The following SPTLC2 variants were observed in gnomAD, a reference collection of about 807,000 sequenced individuals.
SPTLC2 encodes serine palmitoyltransferase long chain base subunit 2, also known as serine palmitoyltransferase 2.
Under a neutral mutation model 62.0 loss-of-function variants are expected in SPTLC2, and 21 were observed. That is an observed-to-expected ratio of 0.34 (90% CI 0.24 to 0.49). SPTLC2 has a LOEUF of 0.49. Ranked by LOEUF, SPTLC2 falls within the 20% of genes least tolerant of loss-of-function variation. The pLI, the probability that SPTLC2 is intolerant of heterozygous loss-of-function variation, is 0.99. For synonymous variants in SPTLC2, 261 were observed against 261.8 expected (o/e 1.00, Z 0.03); for missense variants, 511 against 713.0 (o/e 0.72, Z 3.23).
At chr14:77,592,329 T>A (rs945415302) in intron 2 of SPTLC2, among the ~76,000 whole-genome samples, 10 of 151,814 alleles carry the variant, frequency 6.6e-5, no homozygotes, top group African/African-American at 2.2e-4. Flanking sequence ...GAGATGGGGT[T>A]TCATCACGTT....
chr14:77,567,161 A>G (rs1167469745), intron 5 of SPTLC2, among the ~76,000 whole-genome samples: 1 of 151,626 alleles, frequency 6.6e-6, no homozygotes, highest in Non-Finnish European at 1.5e-5. Flanking sequence ...TAGTAGAGAC[A>G]AGGTTTCATC....
chr14:77,568,012 G>A (rs1394973069), intron 5 of SPTLC2, among the ~76,000 whole-genome samples: 1 of 151,948 alleles, frequency 6.6e-6, no homozygotes, highest in Non-Finnish European at 1.5e-5. Context: ...GAGCTGTCAT[G>A]ATGACACTCA....
intron 2 of SPTLC2, among the ~76,000 whole-genome samples, chr14:77,596,962 C>T (rs892376449): frequency 1.3e-5 from 2 of 152,164 alleles, no homozygotes; most frequent in African/African-American, 4.8e-5. Flanking sequence ...GATAGTGCCG[C>T]CCACCTCCTT....
At chr14:77,550,918 G>GAA (rs11452479) in intron 9 of SPTLC2, among the ~76,000 whole-genome samples, 5,531 of 138,630 alleles carry the variant, frequency 0.04, 320 homozygotes, top group African/African-American at 0.13. Context: ...ACAAAAACCA[G>GAA]AAAAAAAAAA....
At chr14:77,552,549 T>C (rs988362527) in intron 8 of SPTLC2, among the ~76,000 whole-genome samples, 7 of 152,174 alleles carry the variant, frequency 4.6e-5, no homozygotes, top group Non-Finnish European at 7.3e-5. Flanking sequence ...CTCATGCCTG[T>C]AATCCCAGCA....
chr14:77,601,133 G>A (rs955830956), intron 1 of SPTLC2, among the ~76,000 whole-genome samples: 4 of 151,910 alleles, frequency 2.6e-5, no homozygotes, highest in Admixed American at 6.6e-5. Context: ...TGTTTTTTAC[G>A]AGTATATATT....
intron 5 of SPTLC2, 112 bp from the exon 6 acceptor site, chr14:77,562,601 A>T: frequency 1.3e-6 from 1 of 790,550 alleles, no homozygotes; most frequent in Non-Finnish European, 2.1e-6. Context: ...GAAATTGTGC[A>T]CAACAGCACA....
intron 11 of SPTLC2, among the ~76,000 whole-genome samples, chr14:77,513,730 T>C (rs1338552719): frequency 6.6e-6 from 1 of 151,804 alleles, no homozygotes; most frequent in Non-Finnish European, 1.5e-5. Flanking sequence ...ACCCTGTCTC[T>C]ACTGAAAATA....
intron 5 of SPTLC2, among the ~76,000 whole-genome samples, chr14:77,563,122 C>T (rs1342976975): frequency 1.3e-5 from 2 of 151,960 alleles, no homozygotes; most frequent in Non-Finnish European, 2.9e-5. Flanking sequence ...TCTTCCATCT[C>T]TCAGGGGGCC....
intron 5 of SPTLC2, among the ~76,000 whole-genome samples, chr14:77,565,165 C>A (rs1440670630): frequency 3.4e-5 from 5 of 146,988 alleles, no homozygotes; most frequent in Non-Finnish European, 4.4e-5. Flanking sequence ...TTGCTTGAAC[C>A]CAGGAAGCAG....
chr14:77,536,371 T>C (rs1308867124), intron 9 of SPTLC2, among the ~76,000 whole-genome samples: 2 of 152,150 alleles, frequency 1.3e-5, no homozygotes, highest in Admixed American at 1.3e-4. Context: ...TTTTTGGTTT[T>C]TTTTTTCTCT....
chr14:77,547,236 G>A (rs532726459), intron 9 of SPTLC2, among the ~76,000 whole-genome samples: 4 of 151,886 alleles, frequency 2.6e-5, no homozygotes, highest in Non-Finnish European at 5.9e-5. Flanking sequence ...AGGAGGAAGC[G>A]AGTCTGATTC....
At chr14:77,512,888 G>C (rs770585011) in intron 11 of SPTLC2, among the ~76,000 whole-genome samples, 16 of 151,850 alleles carry the variant, frequency 1.1e-4, no homozygotes, top group Non-Finnish European at 1.8e-4. Flanking sequence ...GCTAATTTTT[G>C]TATTTTTAGT....
chr14:77,554,450 T>C (rs2079572082), intron 8 of SPTLC2, among the ~76,000 whole-genome samples: 2 of 152,200 alleles, frequency 1.3e-5, no homozygotes, highest in Non-Finnish European at 2.9e-5. Context: ...CAACTACTAA[T>C]CTACTTTCTG....
intron 9 of SPTLC2, among the ~76,000 whole-genome samples, chr14:77,525,692 C>A (rs1016414950): frequency 2.4e-4 from 36 of 152,154 alleles, no homozygotes; most frequent in Non-Finnish European, 4.3e-4. Context: ...GGGCGGATCA[C>A]AAGGTCAGGA....
At chr14:77,598,658 G>T (rs546475179) in intron 1 of SPTLC2, among the ~76,000 whole-genome samples, 43 of 152,194 alleles carry the variant, frequency 2.8e-4, no homozygotes, top group Non-Finnish European at 5.6e-4. Context: ...CAGGCTGGGT[G>T]CAGTGGCGCA....
chr14:77,542,601 G>A (rs2079507160), intron 9 of SPTLC2, among the ~76,000 whole-genome samples: 1 of 152,154 alleles, frequency 6.6e-6, no homozygotes, highest in Non-Finnish European at 1.5e-5. Flanking sequence ...AAATATCAAA[G>A]TGCTCAGCCG....
chr14:77,562,731 T>G (rs1344953189), intron 5 of SPTLC2, among the ~76,000 whole-genome samples: 1 of 152,240 alleles, frequency 6.6e-6, no homozygotes, highest in Admixed American at 6.5e-5. Flanking sequence ...CCATGACTGA[T>G]GTAAATACTC....
chr14:77,586,443 G>A (rs953955876), intron 2 of SPTLC2, among the ~76,000 whole-genome samples: 4 of 152,068 alleles, frequency 2.6e-5, no homozygotes, highest in African/African-American at 7.2e-5. Context: ...TCTTAGGTAC[G>A]TACCAATTGG....
Sources: allele counts gnomAD v4.1 joint callset (sites outside exome capture counted in the v4.1 genomes callset), GRCh38; gene constraint gnomAD v4.1.1; transcripts MANE v1.5; gene names NCBI Gene and HGNC (gene_info 2026-07-23, HGNC 2026-07-21).